WDHD1: variants seen among roughly 807,000 people sequenced by gnomAD.
WDHD1 encodes WD repeat and HMG-box DNA-binding protein 1.
WDHD1 carries 111 observed loss-of-function variants against 135.4 expected under a neutral mutation model. The observed-to-expected ratio is 0.82, with a 90% CI of 0.70 to 0.96. The LOEUF (loss-of-function observed/expected upper bound fraction) is 0.96. Ranked by LOEUF, WDHD1 falls within the 40% of genes least tolerant of loss-of-function variation. The pLI is 0.00. For synonymous variants in WDHD1, 434 were observed against 439.0 expected (o/e 0.99, Z 0.14); for missense variants, 1,351 against 1,336.3 (o/e 1.01, Z -0.17).
Position 55,007,363 on chromosome 14 carries a change from T to G in WDHD1, c.517A>C (p.Ser173Arg). The G allele has an allele frequency of 2.5e-6, 4 of 1,597,346 alleles. No individual in the cohort carries two copies. Among genetic ancestry groups the G allele is most frequent in the Non-Finnish European group, 3.4e-6 (4 of 1,174,582 alleles). ...WQISDQTCAI[S>R]WPLLQKCNDV... ...TTGCATTTTTGTAGCAGTGGCCAAC[T>G]AATAGCACATGTCTAATTGGTAAAA... The change falls in exon 7 of 26, where the codon AGT becomes CGT. Residue 173 changes from serine to arginine, a missense_variant. Physicochemically the swap from Ser to Arg is moderately radical, Grantham distance 110 (BLOSUM62 -1). Transcript: ENST00000360586.
intron 24 of WDHD1, among the ~76,000 whole-genome samples, chr14:54,955,341 C>T (rs925017047): frequency 3.9e-5 from 6 of 152,004 alleles, no homozygotes; most frequent in Non-Finnish European, 7.4e-5. Flanking sequence ...AATATATCCA[C>T]AATTTAAAAA....
At chr14:54,966,960 T>A (rs1017966287) in intron 17 of WDHD1, among the ~76,000 whole-genome samples, 1 of 152,174 alleles carries the variant, frequency 6.6e-6, no homozygotes, top group African/African-American at 2.4e-5. Flanking sequence ...AGGACTAGGG[T>A]CAGGCAAGCC....
intron 21 of WDHD1, among the ~76,000 whole-genome samples, chr14:54,960,985 T>C (rs2041242771): frequency 6.6e-6 from 1 of 152,166 alleles, no homozygotes; most frequent in African/African-American, 2.4e-5. Flanking sequence ...TTATTTACTT[T>C]TTGTAGAGAT....
chr14:54,975,246 G>T (rs1280607524), intron 16 of WDHD1, among the ~76,000 whole-genome samples: 1 of 152,144 alleles, frequency 6.6e-6, no homozygotes, highest in Non-Finnish European at 1.5e-5. Flanking sequence ...TTAACCAGTA[G>T]TGTCATGAAA....
chr14:54,959,787 C>T (rs1362489098), intron 21 of WDHD1, among the ~76,000 whole-genome samples: 4 of 151,980 alleles, frequency 2.6e-5, no homozygotes, highest in Admixed American at 6.6e-5. Context: ...TATCCGCACC[C>T]CCCCCACCAA....
chr14:55,011,244 T>C (rs1177407920), intron 3 of WDHD1, among the ~76,000 whole-genome samples: 2 of 152,078 alleles, frequency 1.3e-5, no homozygotes, highest in African/African-American at 4.8e-5. Flanking sequence ...TATGAAAGTA[T>C]TGGGGCTGGG....
intron 24 of WDHD1, among the ~76,000 whole-genome samples, chr14:54,944,860 G>C (rs551994905): frequency 8.6e-5 from 13 of 152,016 alleles, no homozygotes; most frequent in Non-Finnish European, 1.9e-4. Context: ...TGCCCGCCTC[G>C]GCTTCCCAAA....
chr14:55,014,188 G>A, intron 2 of WDHD1, among the ~76,000 whole-genome samples: 1 of 152,174 alleles, frequency 6.6e-6, no homozygotes, highest in Non-Finnish European at 1.5e-5. Flanking sequence ...CCGCCTCCCA[G>A]GCTCAAGTGA....
intron 24 of WDHD1, among the ~76,000 whole-genome samples, chr14:54,947,766 A>T (rs1403374147): frequency 1.3e-5 from 2 of 151,738 alleles, no homozygotes; most frequent in South Asian, 4.2e-4. Context: ...AAACTTTTGT[A>T]TTTTTAATAG....
chr14:54,966,870 A>G (rs1378787940), intron 17 of WDHD1, among the ~76,000 whole-genome samples: 2 of 152,256 alleles, frequency 1.3e-5, no homozygotes, highest in Non-Finnish European at 2.9e-5. Flanking sequence ...TTTGGTAAAC[A>G]AGATTTTTAA....
chr14:54,951,331 A>G (rs966353315), intron 24 of WDHD1, among the ~76,000 whole-genome samples: 1 of 152,190 alleles, frequency 6.6e-6, no homozygotes, highest in Admixed American at 6.5e-5. Flanking sequence ...CACTGATCCC[A>G]CAGAAATACA....
At chr14:54,985,727 T>TTGTATTAGCAGAAGAAATGAAAAGA (rs2041685003) in intron 14 of WDHD1, among the ~76,000 whole-genome samples, 1 of 152,182 alleles carries the variant, frequency 6.6e-6, no homozygotes, top group Non-Finnish European at 1.5e-5. Flanking sequence ...GTCCAAGAGA[T>TTGTATTAGCAGAAGAAATGAAAAGA]GACATCCAGG....
At chr14:54,949,115 G>A (rs2040990116) in intron 24 of WDHD1, among the ~76,000 whole-genome samples, 2 of 152,172 alleles carry the variant, frequency 1.3e-5, no homozygotes, top group African/African-American at 2.4e-5. Flanking sequence ...CCAAAGGAAC[G>A]CAGCTCCTCA....
At chr14:54,959,428 G>A (rs986746905) in intron 21 of WDHD1, among the ~76,000 whole-genome samples, 6 of 140,054 alleles carry the variant, frequency 4.3e-5, no homozygotes, top group African/African-American at 1.3e-4. Context: ...AGGGAAGAAG[G>A]AAGGGAGGGA....
intron 21 of WDHD1, among the ~76,000 whole-genome samples, chr14:54,961,537 T>C (rs1169837478): frequency 2.0e-5 from 3 of 152,118 alleles, no homozygotes; most frequent in African/African-American, 7.2e-5. Flanking sequence ...CCATGCACCT[T>C]TGCCTTGCTG....
At chr14:54,991,785 A>G (rs1444924750) in intron 11 of WDHD1, among the ~76,000 whole-genome samples, 1 of 152,200 alleles carries the variant, frequency 6.6e-6, no homozygotes, top group Non-Finnish European at 1.5e-5. Flanking sequence ...TTTGAGTTGT[A>G]AGCTGAACTA....
At position 54,995,758 on chromosome 14, in the gene WDHD1, C is replaced by T. The variant is rs2041867718; in HGVS notation, c.998G>A (p.Ser333Asn). Residue 333 changes from serine to asparagine, a missense_variant, in exon 11 of 26, where the codon AGT becomes AAT. By Grantham distance (46) the Ser-to-Asn change is conservative. Around this residue, in one of 2 missense-constraint regions of WDHD1, gnomAD observed 1,330 missense variants for 1,296.1 expected, o/e 1.03. Coordinates refer to ENST00000360586, the MANE Select transcript of WDHD1 (RefSeq NM_007086.4). ...YNDLFDGDDM[S>N]NAGDFLNDNA... ...GTCATTTAGAAAATCACCAGCATTA[C>T]TCATATCATCTCCATCAAAAAGATC... 1 of 1,612,800 alleles carries T rather than the reference C, an allele frequency of 6.2e-7. No homozygotes were observed. The highest frequency in any genetic ancestry group is 1.3e-5 in the African/African-American group (1 of 74,988).
At chr14:55,013,907 A>C (rs2042217678) in intron 2 of WDHD1, among the ~76,000 whole-genome samples, 1 of 152,014 alleles carries the variant, frequency 6.6e-6, no homozygotes. Flanking sequence ...ACTCTATCTC[A>C]AGGAAAAAAA....
intron 23 of WDHD1, 103 bp from the exon 24 acceptor site, chr14:54,955,797 A>C: frequency 9.3e-7 from 1 of 1,075,838 alleles, no homozygotes; most frequent in Non-Finnish European, 1.2e-6. Context: ...ATTATTGAGA[A>C]TTCTTATACT....
Sources: allele counts gnomAD v4.1 joint callset (sites outside exome capture counted in the v4.1 genomes callset), GRCh38; gene constraint gnomAD v4.1.1; regional missense constraint gnomAD v4.1.1; transcripts MANE v1.5; gene names NCBI Gene and HGNC (gene_info 2026-07-23, HGNC 2026-07-21).